Variants in EFCAB5 observed in about 807,000 individuals in gnomAD.
The protein encoded by EFCAB5 is EF-hand calcium-binding domain-containing protein 5.
Under a neutral mutation model 167.9 loss-of-function variants are expected in EFCAB5, and 131 were observed. That is an observed-to-expected ratio of 0.78 (90% CI 0.68 to 0.90). EFCAB5 has a LOEUF of 0.90. EFCAB5 is among the 40% of genes least tolerant of loss of function. The pLI, the probability that EFCAB5 is intolerant of heterozygous loss-of-function variation, is 0.00. For synonymous variants in EFCAB5, 574 were observed against 602.8 expected, an observed-to-expected ratio of 0.95 and a Z score of 0.70; for missense variants, 1,663 against 1,745.2, an observed-to-expected ratio of 0.95 and a Z score of 0.84.
intron 4 of EFCAB5, among the ~76,000 whole-genome samples, chr17:29,989,081 G>A (rs571661376): frequency 2.2e-4 from 33 of 152,258 alleles, no homozygotes; most frequent in Admixed American, 1.3e-3. Flanking sequence ...AGAGCAGGTC[G>A]TATCCAATTA....
At chr17:30,097,014 A>ATATACATATACGTATACG (rs1567777215) in intron 22 of EFCAB5, among the ~76,000 whole-genome samples, 4 of 117,674 alleles carry the variant, frequency 3.4e-5, no homozygotes, top group African/African-American at 1.6e-4. Flanking sequence ...ATACATATAC[A>ATATACATATACGTATACG]TATACATATA....
chr17:30,075,153 G>C (rs2070843075), intron 14 of EFCAB5, among the ~76,000 whole-genome samples: 2 of 151,930 alleles, frequency 1.3e-5, no homozygotes, highest in East Asian at 3.9e-4. Context: ...TTATTTATTT[G>C]ATCAATCCCC....
chr17:29,935,427 T>C (rs2067237103), intron 1 of EFCAB5, among the ~76,000 whole-genome samples: 1 of 151,864 alleles, frequency 6.6e-6, no homozygotes, highest in African/African-American at 2.4e-5. Flanking sequence ...GGTGTGGTGG[T>C]ACACACCTGC....
At chr17:30,028,472 G>A (rs757571657) in intron 7 of EFCAB5, among the ~76,000 whole-genome samples, 1 of 152,138 alleles carries the variant, frequency 6.6e-6, no homozygotes, top group South Asian at 2.1e-4. Flanking sequence ...AGCTTTTGGC[G>A]AGGTTGAGGC....
intron 7 of EFCAB5, among the ~76,000 whole-genome samples, chr17:30,017,564 T>G (rs990681700): frequency 6.6e-6 from 1 of 152,086 alleles, no homozygotes; most frequent in African/African-American, 2.4e-5. Flanking sequence ...AAAGTGAAAA[T>G]AAGGGAATTA....
Position 30,052,228 on chromosome 17 carries a change from G to A in EFCAB5, c.1300+1011G>A, listed in dbSNP as rs145276396. 6.6e-5 allele frequency among the ~76,000 whole-genome samples: 10 copies of A among 152,208 alleles called. No individual in the cohort carries two copies. In the East Asian group the frequency reaches 1.4e-3, roughly 21 times the overall value. ...TGCCGAGGCTGGAGTACAATGGCGC[G>A]ATCTCAGCTCACTGCAACTTCTGCC... On this transcript the variant is annotated intron_variant, in intron 9 of 22. Transcript: ENST00000394835.
At chr17:30,049,072 GTCCATGATATCCA>G (rs1285368731) in intron 8 of EFCAB5, among the ~76,000 whole-genome samples, 1 of 151,952 alleles carries the variant, frequency 6.6e-6, no homozygotes, top group Non-Finnish European at 1.5e-5. Context: ...CACAGAACAG[GTCCATGATATCCA>G]TCATGATGAT....
chr17:29,939,183 C>T (rs1035860029), upstream of EFCAB5, among the ~76,000 whole-genome samples: 4 of 152,166 alleles, frequency 2.6e-5, no homozygotes, highest in Admixed American at 1.3e-4. Flanking sequence ...TGACCAAGTA[C>T]ACTGTCAATG....
At chr17:29,946,224 GA>G (rs2067393866) in intron 3 of EFCAB5, among the ~76,000 whole-genome samples, 1 of 152,032 alleles carries the variant, frequency 6.6e-6, no homozygotes, top group Non-Finnish European at 1.5e-5. Flanking sequence ...ATGAACATGT[GA>G]AAAAGTGCTG....
intron 3 of EFCAB5, among the ~76,000 whole-genome samples, chr17:29,953,935 G>C (rs1281753671): frequency 2.6e-5 from 4 of 152,236 alleles, no homozygotes; most frequent in South Asian, 4.1e-4. Flanking sequence ...TTGGGAACTG[G>C]AGCAAAGGTG....
In EFCAB5 at chr17:29,969,113, T is replaced by C; in HGVS notation, c.513T>C (p.Thr171=). 1 of 1,613,844 alleles carries C rather than the reference T, an allele frequency of 6.2e-7. No homozygotes were observed. Among genetic ancestry groups the C allele is most frequent in the South Asian group, 1.1e-5 (1 of 91,068 alleles). ...CTGACAGCATGACACTGAATAATAC[T>C]GCATATTTGCTTGACAAACTTCTAC... The part of the protein sequence containing the change: ...FNTDSMTLNN[T]AYLLDKLLPT... The change falls in exon 4 of 23, where the codon ACT becomes ACC. Residue 171 remains threonine (T), a synonymous_variant. Transcript: ENST00000394835.
intron 19 of EFCAB5, among the ~76,000 whole-genome samples, chr17:30,088,596 C>T (rs78691233): frequency 0.036 from 5,523 of 152,174 alleles, 143 homozygotes; most frequent in Middle Eastern, 0.071. Context: ...AATAAGTACT[C>T]GGTTCTAAAT....
intron 4 of EFCAB5, among the ~76,000 whole-genome samples, chr17:29,987,703 T>C (rs1018236016): frequency 2.0e-5 from 3 of 152,232 alleles, no homozygotes; most frequent in Admixed American, 2.0e-4. Context: ...GAGAATTATA[T>C]GGGGTATCAG....
intron 9 of EFCAB5, among the ~76,000 whole-genome samples, chr17:30,051,639 C>T (rs982011257): frequency 2.6e-5 from 4 of 152,128 alleles, no homozygotes; most frequent in African/African-American, 9.7e-5. Context: ...TCACTGCAGC[C>T]TCAACCTCCC....
At chr17:29,972,308 C>T (rs1425308295) in intron 4 of EFCAB5, among the ~76,000 whole-genome samples, 1 of 151,830 alleles carries the variant, frequency 6.6e-6, no homozygotes, top group African/African-American at 2.4e-5. Context: ...CTCGGCTTCC[C>T]AAAGTGCTGG....
chr17:30,061,760 G>A (rs1194713592), intron 14 of EFCAB5, among the ~76,000 whole-genome samples: 1 of 152,086 alleles, frequency 6.6e-6, no homozygotes, highest in African/African-American at 2.4e-5. Context: ...TTAAGACAGG[G>A]TCTCACTATG....
At chr17:29,948,298 AAG>A (rs2067444180) in intron 3 of EFCAB5, among the ~76,000 whole-genome samples, 1 of 152,178 alleles carries the variant, frequency 6.6e-6, no homozygotes, top group Non-Finnish European at 1.5e-5. Flanking sequence ...CATATCAAGC[AAG>A]AGTTTGTGGT....
chr17:29,968,369 A>G (rs1169514848), intron 3 of EFCAB5: 1 of 451,024 alleles, frequency 2.2e-6, no homozygotes, highest in Non-Finnish European at 4.4e-6. Context: ...GGGCAGATGA[A>G]ATGTAAAGGG....
chr17:30,045,437 G>C (rs184898509), intron 8 of EFCAB5, among the ~76,000 whole-genome samples: 1 of 137,184 alleles, frequency 7.3e-6, no homozygotes, highest in Admixed American at 7.8e-5. Context: ...CAGCCTGGGC[G>C]ACAGAGCTAG....
Sources: allele counts gnomAD v4.1 joint callset (sites outside exome capture counted in the v4.1 genomes callset), GRCh38; gene constraint gnomAD v4.1.1; transcripts MANE v1.5; gene names NCBI Gene and HGNC (gene_info 2026-07-23, HGNC 2026-07-21).